Variants in OTOGL observed in about 807,000 individuals in gnomAD.
OTOGL encodes the protein otogelin-like protein.
In OTOGL, 285 loss-of-function variants were observed where a neutral mutation model predicts 318.5. The ratio of observed to expected loss-of-function variants is 0.89; its 90% CI spans 0.81 to 0.99. OTOGL has a LOEUF of 0.99. OTOGL is among the 50% of genes least tolerant of loss of function. The probability of loss-of-function intolerance (pLI) is 0.00; values close to 1 mark genes in which losing one functional copy is unlikely to be tolerated. For synonymous variants in OTOGL, 987 were observed against 936.5 expected (o/e 1.05, Z -0.99); for missense variants, 2,899 against 2,845.6 (o/e 1.02, Z -0.43).
intron 8 of OTOGL, among the ~76,000 whole-genome samples, chr12:80,231,709 A>G (rs1033796222): frequency 6.6e-6 from 1 of 151,874 alleles, no homozygotes; most frequent in South Asian, 2.1e-4. Context: ...ATTTCAGCTC[A>G]CCACAACCTC....
chr12:80,128,663 C>T (rs1871024377), intron 1 of OTOGL, among the ~76,000 whole-genome samples: 1 of 152,154 alleles, frequency 6.6e-6, no homozygotes, highest in South Asian at 2.1e-4. Context: ...GCAGGCAGGC[C>T]TCCATGAGCT....
intron 1 of OTOGL, among the ~76,000 whole-genome samples, chr12:80,173,363 A>T (rs1391695913): frequency 6.6e-6 from 1 of 152,162 alleles, no homozygotes; most frequent in East Asian, 1.9e-4. Context: ...ATTCCCAGAA[A>T]TGAGGGTTCC....
chr12:80,132,736 A>G (rs1480039374), intron 1 of OTOGL: 1 of 152,232 alleles, frequency 6.6e-6, no homozygotes, highest in Non-Finnish European at 1.5e-5. Context: ...TCTGTGCTCT[A>G]AAATGTAAAG....
chr12:80,228,838 A>G lies in OTOGL; in HGVS notation c.490-419A>G, dbSNP rs116431512. ...TTTTATTTTTAGTGAGTTCATGGTCACTTTTCAACCTTTAAATATTGCTTT... is the reference window on the plus strand; with the variant it reads ...TTTTATTTTTAGTGAGTTCATGGTCGCTTTTCAACCTTTAAATATTGCTTT... On this transcript the variant is annotated intron_variant, in intron 7 of 58. Transcript: ENST00000547103. Among the ~76,000 whole-genome samples, 966 of 152,162 alleles carry G rather than the reference A, an allele frequency of 6.3e-3. 13 individuals are homozygous for G. The highest frequency in any genetic ancestry group is 0.022 in the African/African-American group (916 of 41,522).
At chr12:80,203,847 T>A (rs960623034) in intron 1 of OTOGL, among the ~76,000 whole-genome samples, 1 of 152,188 alleles carries the variant, frequency 6.6e-6, no homozygotes, top group African/African-American at 2.4e-5. Flanking sequence ...TTAGACTTGA[T>A]GAGAAAATAT....
At chr12:80,162,319 G>T (rs757673335) in intron 1 of OTOGL, among the ~76,000 whole-genome samples, 3 of 152,070 alleles carry the variant, frequency 2.0e-5, no homozygotes, top group African/African-American at 7.2e-5. Context: ...TTATAGAGAT[G>T]GTGACTTTGT....
chr12:80,380,792 T>C lies in OTOGL; in HGVS notation c.*2744T>C, dbSNP rs1172158654. 1 of 152,112 alleles carries C rather than the reference T, an allele frequency of 6.6e-6. No homozygotes were observed. The highest frequency in any genetic ancestry group is 1.5e-5 in the Non-Finnish European group (1 of 67,984). The allele number at this position is 152,112 out of a possible 1,614,324, so 9.4% of individuals were successfully genotyped here. On this transcript the variant is annotated 3_prime_UTR_variant, in exon 59 of 59. Coordinates refer to ENST00000547103, the MANE Select transcript of OTOGL (RefSeq NM_001378609.3). ...TATGCCGTACAAACGCCTGTACAAA[T>C]ACAAAGTGGTATTTGTGAAGGTTAT...
At position 80,152,698 on chromosome 12, in the gene OTOGL, TA is replaced by T. The variant is rs563567688; in HGVS notation, c.-20+53094del. Among the ~76,000 whole-genome samples the T allele has an allele frequency of 1.1e-4, 16 of 152,328 alleles. No individual in the cohort carries two copies. In the East Asian group the frequency reaches 2.7e-3, roughly 26 times the overall value. On this transcript the variant is annotated intron_variant, in intron 1 of 58. Transcript: ENST00000547103. ...AATTTTTAAATTTTATTTATTTATT[TA>T]TTTTTTTGAGACAGAGTGTCACTTT...
chr12:80,359,077 T>C (rs980822105), intron 52 of OTOGL, among the ~76,000 whole-genome samples, 177 bp downstream of exon 52: 1 of 152,194 alleles, frequency 6.6e-6, no homozygotes, highest in South Asian at 2.1e-4. Flanking sequence ...AGTTATATTT[T>C]AGTTGAGATA....
chr12:80,320,752 G>A, intron 34 of OTOGL, 52 bp downstream of exon 34: 3 of 1,445,630 alleles, frequency 2.1e-6, no homozygotes, highest in Non-Finnish European at 2.8e-6. Flanking sequence ...TTTATATTAG[G>A]CAGAATATTT....
chr12:80,186,584 A>T (rs919237734), intron 1 of OTOGL, among the ~76,000 whole-genome samples: 6 of 152,146 alleles, frequency 3.9e-5, no homozygotes, highest in African/African-American at 1.4e-4. Flanking sequence ...ATAAATGCCT[A>T]ATCGTCAAGG....
At chr12:80,306,346 A>C (rs2137755565) in intron 29 of OTOGL, among the ~76,000 whole-genome samples, 1 of 152,352 alleles carries the variant, frequency 6.6e-6, no homozygotes, top group African/African-American at 2.4e-5. Flanking sequence ...GTTATATGAA[A>C]CACATTTTGA....
At chr12:80,190,697 G>C (rs888553686) in intron 1 of OTOGL, among the ~76,000 whole-genome samples, 6 of 147,872 alleles carry the variant, frequency 4.1e-5, no homozygotes, top group Non-Finnish European at 1.5e-5. Flanking sequence ...TGAGGCAGGA[G>C]AATGGCGTGA....
chr12:80,358,101 T>A (rs1358250457), intron 49 of OTOGL, 147 bp from the exon 50 acceptor site: 2 of 635,104 alleles, frequency 3.1e-6, no homozygotes, highest in African/African-American at 3.7e-5. Flanking sequence ...TTATTGTTTT[T>A]ATGGCCAAAT....
At position 80,305,585 on chromosome 12, in the gene OTOGL, T is replaced by C; in HGVS notation, c.3223T>C (p.Ser1075Pro). The change falls in exon 29 of 59, where the codon TCA becomes CCA. Residue 1075 changes from serine (S) to proline (P), a missense_variant. This residue lies in a region of OTOGL where 2,607 missense variants were observed against 2,524.9 expected (regional missense o/e 1.03). Transcript: ENST00000547103. ...KVGPQWKNKL[S>P]GLCGNFDKCT... The stretch of plus-strand genomic sequence containing the variant: ...TTTTCTCTTACTTTAGAACAAGCTA[T>C]CAGGATTGTGTGGAAACTTTGACAA... 6.4e-7 allele frequency: 1 copy of C among 1,558,228 alleles called. No homozygotes were observed. The highest frequency in any genetic ancestry group is 8.6e-7 in the Non-Finnish European group (1 of 1,164,432).
intron 35 of OTOGL, among the ~76,000 whole-genome samples, chr12:80,327,087 G>A (rs865786782): frequency 6.6e-6 from 1 of 152,160 alleles, no homozygotes. Flanking sequence ...ATTCTCTGTA[G>A]TATGTAGTAA....
In OTOGL at chr12:80,339,228, C is replaced by T. The variant is rs759174628; in HGVS notation, c.5014C>T (p.Arg1672Ter). 6.2e-5 allele frequency: 99 copies of T among 1,602,232 alleles called. No homozygotes were observed. The highest frequency in any genetic ancestry group is 8.0e-5 in the Non-Finnish European group (94 of 1,173,286). Residue 1672 changes from arginine (R) to a stop codon, truncating the protein, a stop_gained, in exon 43 of 59, where the codon CGA (arginine) becomes TGA (stop). Transcript: ENST00000547103. LOFTEE classifies it high-confidence loss of function. ...TGIIDIHFGF[R>*]FNLSSYTEGL... ...AATCATAGACATTCATTTTGGCTTC[C>T]GATTTAACTTGTCATCCTACACAGA...
intron 1 of OTOGL, among the ~76,000 whole-genome samples, chr12:80,168,522 T>C (rs1334283607): frequency 2.0e-5 from 3 of 152,304 alleles, no homozygotes; most frequent in Admixed American, 6.5e-5. Context: ...GGATTTCATG[T>C]TCCTCATCAC....
At chr12:80,376,896 T>C (rs923023588) in intron 57 of OTOGL, among the ~76,000 whole-genome samples, 5 of 151,966 alleles carry the variant, frequency 3.3e-5, no homozygotes, top group African/African-American at 1.2e-4. Flanking sequence ...AGATATAAAG[T>C]GGAAATCAAT....
Sources: allele counts gnomAD v4.1 joint callset (sites outside exome capture counted in the v4.1 genomes callset), GRCh38; gene constraint gnomAD v4.1.1; regional missense constraint gnomAD v4.1.1; transcripts MANE v1.5; gene names NCBI Gene and HGNC (gene_info 2026-07-23, HGNC 2026-07-21).